Variants in FAM13A observed in about 807,000 individuals in gnomAD.
FAM13A encodes family with sequence similarity 13 member A.
Under a neutral mutation model 129.6 loss-of-function variants are expected in FAM13A, and 76 were observed. The observed-to-expected ratio is 0.59, with a 90% CI of 0.49 to 0.71. The LOEUF (loss-of-function observed/expected upper bound fraction) is 0.71. FAM13A is among the 30% of genes least tolerant of loss of function. The pLI, the probability that FAM13A is intolerant of heterozygous loss-of-function variation, is 0.00. For synonymous variants in FAM13A, 443 were observed against 449.9 expected (o/e 0.98, Z 0.20); for missense variants, 1,108 against 1,249.3 (o/e 0.89, Z 1.70).
In FAM13A at chr4:88,779,478, G is replaced by C. The variant is rs114557235; in HGVS notation, c.1458+1687C>G. Among the ~76,000 whole-genome samples, 114 of 152,276 alleles carry C rather than the reference G, an allele frequency of 7.5e-4. 2 individuals carry two copies. In the South Asian group the frequency reaches 8.1e-3, roughly 11 times the overall value. ...AGATTTTTAAATTCATGGAATATAA[G>C]AGTTGGAAAACATCTTTGAGAATAC... On this transcript the variant is annotated intron_variant, in intron 11 of 23. Transcript: ENST00000264344.
chr4:88,734,185 T>C (rs1007493606), intron 21 of FAM13A, among the ~76,000 whole-genome samples: 3 of 152,166 alleles, frequency 2.0e-5, no homozygotes, highest in African/African-American at 7.2e-5. Flanking sequence ...TTTCCTTTTT[T>C]GATAGATGTA....
chr4:88,843,163 G>C (rs1485000915), intron 7 of FAM13A, among the ~76,000 whole-genome samples: 2 of 152,150 alleles, frequency 1.3e-5, no homozygotes, highest in Non-Finnish European at 2.9e-5. Flanking sequence ...CCCTTTTCGA[G>C]TCTACCTTTC....
chr4:88,787,930 A>G lies in FAM13A; in HGVS notation c.1094T>C (p.Leu365Pro), dbSNP rs147073109. ...QVSNVSATGE[L>P]LERTIRSAVE... is the part of the protein sequence containing the mutation. ...AGCTGATCGGATGGTTCTTTCTAAG[A>G]GTCTGGCAAAAAAGAATGCAGAGTC... The change falls in exon 10 of 24, where the codon CTC (leucine) becomes CCC (proline). Residue 365 changes from leucine (L) to proline (P), a missense_variant and splice_region_variant. Coordinates refer to ENST00000264344, the MANE Select transcript of FAM13A (RefSeq NM_014883.4). The G allele has an allele frequency of 5.0e-6, 8 of 1,611,504 alleles. No individual in the cohort carries two copies. The African/African-American group carries it at 1.1e-4, about 22-fold the overall frequency.
chr4:88,892,179 T>A (rs1266392955), intron 6 of FAM13A, among the ~76,000 whole-genome samples: 1 of 141,586 alleles, frequency 7.1e-6, no homozygotes, highest in African/African-American at 2.6e-5. Flanking sequence ...CTGTCTTTTT[T>A]TTTTTTTTTT....
At chr4:88,760,255 T>C (rs149435812) in intron 13 of FAM13A, among the ~76,000 whole-genome samples, 4 of 152,288 alleles carry the variant, frequency 2.6e-5, no homozygotes, top group Non-Finnish European at 5.9e-5. Flanking sequence ...TTCTTCACAT[T>C]TGGGATAAAA....
At chr4:89,034,727 C>G (rs543447617) in intron 1 of FAM13A, among the ~76,000 whole-genome samples, 3 of 152,176 alleles carry the variant, frequency 2.0e-5, no homozygotes, top group African/African-American at 7.2e-5. Context: ...ACTAAAAATA[C>G]AAAAATTAGC....
intron 6 of FAM13A, among the ~76,000 whole-genome samples, chr4:88,852,417 C>T (rs1416831559): frequency 1.3e-5 from 2 of 152,186 alleles, no homozygotes; most frequent in Non-Finnish European, 2.9e-5. Context: ...CCACCTCGGC[C>T]TCCCAAAGTG....
intron 10 of FAM13A, 56 bp downstream of exon 10, chr4:88,787,697 A>C: frequency 6.5e-7 from 1 of 1,543,720 alleles, no homozygotes; most frequent in Non-Finnish European, 8.9e-7. Flanking sequence ...ATTTGGGTGT[A>C]TATTTCTTTT....
chr4:88,809,871 T>TC (rs200135069), intron 7 of FAM13A, among the ~76,000 whole-genome samples: 13,692 of 150,978 alleles, frequency 0.091, 780 homozygotes, highest in African/African-American at 0.15. Flanking sequence ...CGGTGGGCTT[T>TC]TTTTTTTTTT....
At chr4:88,733,787 A>G (rs1738392859) in intron 21 of FAM13A, among the ~76,000 whole-genome samples, 1 of 152,242 alleles carries the variant, frequency 6.6e-6, no homozygotes, top group African/African-American at 2.4e-5. Context: ...TTACTATTAG[A>G]AGAGCATAAA....
At chr4:88,881,060 T>G (rs1743484718) in intron 6 of FAM13A, among the ~76,000 whole-genome samples, 1 of 152,150 alleles carries the variant, frequency 6.6e-6, no homozygotes, top group Admixed American at 6.5e-5. Context: ...CTGAAGACAA[T>G]GGACATAATT....
rs543008185 is a variant in FAM13A at position 88,920,560 on chromosome 4, T to C, written c.760-14098A>G. Among the ~76,000 whole-genome samples, 6 of 152,172 alleles carry C rather than the reference T, an allele frequency of 3.9e-5. No individual in the cohort carries two copies. In the South Asian group the frequency reaches 8.3e-4, roughly 21 times the overall value. ...CCAAAAACCCATCTGTACATCGCCATCATCAAAGACCAAAAGTAGATAAAA... is the reference window on the plus strand; with the variant it reads ...CCAAAAACCCATCTGTACATCGCCACCATCAAAGACCAAAAGTAGATAAAA... On this transcript the variant is annotated intron_variant, in intron 5 of 23. Coordinates refer to ENST00000264344, the MANE Select transcript of FAM13A (RefSeq NM_014883.4).
intron 14 of FAM13A, 86 bp from the exon 15 acceptor site, chr4:88,750,723 C>A: frequency 9.9e-7 from 1 of 1,014,112 alleles, no homozygotes; most frequent in Non-Finnish European, 1.5e-6. Context: ...CCAGGCTTCC[C>A]AGATGCTTTA....
intron 6 of FAM13A, among the ~76,000 whole-genome samples, chr4:88,868,683 T>C (rs1243908761): frequency 6.6e-6 from 1 of 152,180 alleles, no homozygotes; most frequent in Non-Finnish European, 1.5e-5. Context: ...TAAACCAAGA[T>C]TTATACATGT....
chr4:88,747,295 C>A (rs1420758060), intron 18 of FAM13A, among the ~76,000 whole-genome samples: 1 of 152,100 alleles, frequency 6.6e-6, no homozygotes, highest in African/African-American at 2.4e-5. Context: ...TGGGGCTTAG[C>A]TTAATGGCCC....
At chr4:88,921,123 C>T (rs930381659) in intron 5 of FAM13A, among the ~76,000 whole-genome samples, 3 of 152,178 alleles carry the variant, frequency 2.0e-5, no homozygotes, top group Non-Finnish European at 4.4e-5. Flanking sequence ...TTGGAAACCA[C>T]TCTGCAGGAT....
chr4:88,806,493 G>A (rs1178427229), intron 7 of FAM13A, among the ~76,000 whole-genome samples: 2 of 152,066 alleles, frequency 1.3e-5, no homozygotes, highest in Non-Finnish European at 2.9e-5. Flanking sequence ...ACACACACAA[G>A]CAAACAAAAT....
intron 1 of FAM13A, among the ~76,000 whole-genome samples, chr4:89,031,029 T>C (rs1487051477): frequency 6.6e-6 from 1 of 152,138 alleles, no homozygotes; most frequent in Non-Finnish European, 1.5e-5. Flanking sequence ...CTATTAATAT[T>C]ATAAATAAGT....
intron 23 of FAM13A, among the ~76,000 whole-genome samples, chr4:88,730,711 A>G (rs1201448123): frequency 1.3e-5 from 2 of 152,186 alleles, no homozygotes; most frequent in Non-Finnish European, 2.9e-5. Context: ...ATTTTCATAC[A>G]TATTTTTCAT....
Sources: allele counts gnomAD v4.1 joint callset (sites outside exome capture counted in the v4.1 genomes callset), GRCh38; gene constraint gnomAD v4.1.1; transcripts MANE v1.5; gene names NCBI Gene and HGNC (gene_info 2026-07-23, HGNC 2026-07-21).